Variants in ANO1 observed in about 807,000 individuals in gnomAD.
The protein encoded by ANO1 is anoctamin 1.
A neutral mutation model predicts 124.0 loss-of-function variants in ANO1; 59 were observed. That is an observed-to-expected ratio of 0.48 (90% CI 0.39 to 0.59). The LOEUF (loss-of-function observed/expected upper bound fraction) is 0.59. ANO1 is among the 20% of genes least tolerant of loss of function. The probability of loss-of-function intolerance (pLI) is 0.00; values close to 1 mark genes in which losing one functional copy is unlikely to be tolerated. For synonymous variants in ANO1, 529 were observed against 532.0 expected, an observed-to-expected ratio of 0.99 and a Z score of 0.08; for missense variants, 1,059 against 1,328.0, an observed-to-expected ratio of 0.80 and a Z score of 3.15.
chr11:70,059,169 GC>G (rs1181467155), intron 1 of ANO1, among the ~76,000 whole-genome samples: 2 of 151,572 alleles, frequency 1.3e-5, no homozygotes, highest in African/African-American at 2.4e-5. Flanking sequence ...TCCAACCTGA[GC>G]GACAGAGCCA....
rs2044091504 is a variant in ANO1, at chr11:70,078,320, G to A, written c.-287G>A. The stretch of plus-strand genomic sequence containing the variant: ...TTAAGGCAAAGGCGGGCCGGCTGGC[G>A]TCCAAGTTCCTGACCAGGCGCGGGC... On this transcript the variant is annotated 5_prime_UTR_variant, in exon 1 of 26. Transcript: ENST00000355303. 6.6e-6 allele frequency: 1 copy of A among 150,958 alleles called. No homozygotes were observed. Among genetic ancestry groups the A allele is most frequent in the African/African-American group, 2.4e-5 (1 of 41,276 alleles). The allele number at this position is 150,958 out of a possible 1,614,324, so 9.4% of individuals were successfully genotyped here.
At chr11:70,029,766 G>A (rs1189550882) in intron 1 of ANO1, among the ~76,000 whole-genome samples, 3 of 152,192 alleles carry the variant, frequency 2.0e-5, no homozygotes, top group Non-Finnish European at 4.4e-5. Flanking sequence ...ACTCCCTCTA[G>A]AGGCCCTGGG....
chr11:70,138,863 A>G (rs896423608), intron 11 of ANO1, among the ~76,000 whole-genome samples: 8 of 151,954 alleles, frequency 5.3e-5, no homozygotes, highest in Middle Eastern at 3.4e-3. Flanking sequence ...TTTGGTGTAC[A>G]GGTTATTTTG....
upstream of ANO1, among the ~76,000 whole-genome samples, chr11:69,984,925 C>A (rs557203436): frequency 6.6e-6 from 1 of 152,348 alleles, no homozygotes; most frequent in South Asian, 2.1e-4. Flanking sequence ...TATGGTAGTT[C>A]TGCCTGAGAA....
chr11:70,160,639 G>T (rs1350958319), intron 16 of ANO1, among the ~76,000 whole-genome samples: 3 of 152,222 alleles, frequency 2.0e-5, no homozygotes, highest in African/African-American at 7.2e-5. Context: ...TACCAGGGGA[G>T]TCCCTGGGAG....
chr11:70,158,833 G>A (rs2047926769), intron 16 of ANO1, among the ~76,000 whole-genome samples: 1 of 130,606 alleles, frequency 7.7e-6, no homozygotes, highest in East Asian at 2.4e-4. Context: ...CCTGGAGAAG[G>A]GGACCCCCTC....
chr11:70,114,557 C>G (rs1006138127), intron 7 of ANO1, among the ~76,000 whole-genome samples: 4 of 152,218 alleles, frequency 2.6e-5, no homozygotes, highest in Admixed American at 6.5e-5. Flanking sequence ...CATCTTACCC[C>G]CTTCCAATCC....
chr11:70,094,611 C>G (rs1007322139), intron 2 of ANO1, among the ~76,000 whole-genome samples: 7 of 152,306 alleles, frequency 4.6e-5, no homozygotes, highest in African/African-American at 1.7e-4. Flanking sequence ...CTGAGAGTGG[C>G]ACGTCTGGCC....
chr11:70,093,165 CCTCT>C lies in ANO1; in HGVS notation c.441+5084_441+5087del, dbSNP rs148558442. Among the ~76,000 whole-genome samples the C allele has an allele frequency of 2.9e-3, 443 of 151,404 alleles. 4 individuals carry two copies. Among genetic ancestry groups the C allele is most frequent in the African/African-American group, 0.01 (412 of 41,150 alleles). On this transcript the variant is annotated intron_variant, in intron 2 of 25. Coordinates refer to ENST00000355303, the MANE Select transcript of ANO1 (RefSeq NM_018043.7). ...CTCTCTCTCCCTTCTGTCTCCTCTC[CCTCT>C]CTATCATTCCCTTTCTCTCTTCTCT...
intron 1 of ANO1, among the ~76,000 whole-genome samples, chr11:70,009,311 G>A (rs1271038012): frequency 6.6e-6 from 1 of 152,178 alleles, no homozygotes; most frequent in Non-Finnish European, 1.5e-5. Context: ...CTCGGGGAGG[G>A]AGGATAGCAG....
At chr11:70,040,216 G>A (rs1281043743) in intron 1 of ANO1, among the ~76,000 whole-genome samples, 1 of 152,088 alleles carries the variant, frequency 6.6e-6, no homozygotes, top group Admixed American at 6.5e-5. Flanking sequence ...GAAGATTTGT[G>A]TGAGCTAATC....
intron 22 of ANO1, among the ~76,000 whole-genome samples, chr11:70,178,256 C>T (rs1034093925): frequency 2.6e-5 from 4 of 152,222 alleles, no homozygotes; most frequent in African/African-American, 7.2e-5. Flanking sequence ...TAAGGGAGTG[C>T]TTCAGTGCTG....
intron 1 of ANO1, chr11:70,016,364 T>C (rs61886395): frequency 6.6e-6 from 1 of 152,222 alleles, no homozygotes; most frequent in Non-Finnish European, 1.5e-5. Flanking sequence ...TTGGCAAAAG[T>C]AATGGAATTT....
chr11:70,013,016 G>A (rs1856628622), intron 1 of ANO1, among the ~76,000 whole-genome samples: 1 of 152,190 alleles, frequency 6.6e-6, no homozygotes, highest in Non-Finnish European at 1.5e-5. Context: ...GAAGGAAAAG[G>A]GCAGGTGCTT....
the ANO1 span, among the ~76,000 whole-genome samples, chr11:69,970,325 GAAGGGTTTTCTCA>G: frequency 6.6e-6 from 1 of 152,188 alleles, no homozygotes; most frequent in African/African-American, 2.4e-5. Flanking sequence ...GGCCTCAAGG[GAAGGGTTTTCTCA>G]GACCCACGGG....
chr11:69,995,160 C>T (rs1048825233), intron 1 of ANO1, among the ~76,000 whole-genome samples: 3 of 146,314 alleles, frequency 2.1e-5, no homozygotes, highest in Non-Finnish European at 3.0e-5. Flanking sequence ...AGTGCAATGG[C>T]GTGATCTTGG....
intron 1 of ANO1, among the ~76,000 whole-genome samples, chr11:70,065,534 T>C (rs1161361774): frequency 6.6e-6 from 1 of 152,168 alleles, no homozygotes; most frequent in African/African-American, 2.4e-5. Flanking sequence ...CTGAAGGCCC[T>C]GCAGGCCTGG....
At chr11:69,981,785 C>G (rs1478744001), upstream of ANO1, among the ~76,000 whole-genome samples, 1 of 152,228 alleles carries the variant, frequency 6.6e-6, no homozygotes, top group Non-Finnish European at 1.5e-5. Flanking sequence ...TGGAAACAGT[C>G]CAAATGGCTA....
At chr11:70,122,228 C>T (rs1565222586) in intron 8 of ANO1, among the ~76,000 whole-genome samples, 1 of 73,280 alleles carries the variant, frequency 1.4e-5, no homozygotes, top group African/African-American at 5.1e-5. Flanking sequence ...TCTCTCTCTC[C>T]ATCTCCCCCA....
Sources: allele counts gnomAD v4.1 joint callset (sites outside exome capture counted in the v4.1 genomes callset), GRCh38; gene constraint gnomAD v4.1.1; transcripts MANE v1.5; gene names NCBI Gene and HGNC (gene_info 2026-07-23, HGNC 2026-07-21).